Variants in ANK3 observed in about 807,000 individuals in gnomAD.
ANK3 encodes ankyrin-3.
ANK3 carries 57 observed loss-of-function variants against 370.9 expected under a neutral mutation model. The observed-to-expected ratio is 0.15, with a 90% CI of 0.12 to 0.19. The LOEUF (loss-of-function observed/expected upper bound fraction) is 0.19. Among genes scored for constraint, ANK3 ranks in the 10% least tolerant of loss-of-function variants. The pLI, the probability that ANK3 is intolerant of heterozygous loss-of-function variation, is 1.00. For synonymous variants in ANK3, 1,929 were observed against 1,946.3 expected, an observed-to-expected ratio of 0.99 and a Z score of 0.23; for missense variants, 4,439 against 5,302.1, an observed-to-expected ratio of 0.84 and a Z score of 5.06.
rs535969098 is a variant in ANK3 at position 60,677,841 on chromosome 10, A to G, written c.57+55422T>C. ...AAAAAGAAAGAAAAACCACCACCAC[A>G]CTACTAGCTTTTCCTTACATGATAC... On this transcript the variant is annotated intron_variant, in intron 1 of 43. Transcript: ENST00000373827. Among the ~76,000 whole-genome samples the G allele has an allele frequency of 3.3e-5, 5 of 151,974 alleles. No homozygotes were observed. In the South Asian group the frequency reaches 1.0e-3, roughly 32 times the overall value.
intron 1 of ANK3, among the ~76,000 whole-genome samples, chr10:60,653,519 T>A (rs935601423): frequency 2.6e-5 from 4 of 152,204 alleles, no homozygotes; most frequent in Admixed American, 6.5e-5. Flanking sequence ...TATCTCTCCT[T>A]TCTCCAATTC....
At position 60,056,428 on chromosome 10, in the gene ANK3, CA is replaced by C. The variant is rs1339320312; in HGVS notation, c.12687-393del. Among the ~76,000 whole-genome samples the C allele has an allele frequency of 5.3e-5, 8 of 152,098 alleles. No individual in the cohort carries two copies. The East Asian group carries it at 1.6e-3, about 30-fold the overall frequency. ...AGGTTGCAGTGAGCTGAGATTGTGC[CA>C]CTGTATTTCAGCCTGGGTGACAGAG... On this transcript the variant is annotated intron_variant, in intron 41 of 43. Coordinates refer to ENST00000280772, the MANE Select transcript of ANK3 (RefSeq NM_020987.5).
intron 41 of ANK3, among the ~76,000 whole-genome samples, chr10:60,058,309 C>T (rs1281336263): frequency 1.3e-5 from 2 of 152,194 alleles, no homozygotes; most frequent in African/African-American, 4.8e-5. Flanking sequence ...TCTAGACTTT[C>T]ACCTTTCTAG....
chr10:60,531,665 A>C (rs142025436), intron 2 of ANK3, among the ~76,000 whole-genome samples: 52 of 152,292 alleles, frequency 3.4e-4, no homozygotes, highest in African/African-American at 1.2e-3. Context: ...AAATAAGGAA[A>C]ATAACAATAA....
chr10:60,646,891 T>G (rs1219788022), intron 1 of ANK3, among the ~76,000 whole-genome samples: 1 of 152,188 alleles, frequency 6.6e-6, no homozygotes, highest in Non-Finnish European at 1.5e-5. Context: ...CCTGATAACC[T>G]TCACAGAAGT....
Position 60,666,670 on chromosome 10 carries a change from T to C in ANK3, c.58-51446A>G, listed in dbSNP as rs145652608. Among the ~76,000 whole-genome samples the C allele has an allele frequency of 2.8e-3, 420 of 152,314 alleles. 1 individual carries two copies. Among genetic ancestry groups the C allele is most frequent in the African/African-American group, 9.8e-3 (408 of 41,580 alleles). On this transcript the variant is annotated intron_variant, in intron 1 of 43. Coordinates refer to the ANK3 transcript ENST00000373827. Reference sequence around the variant, plus strand: ...AAAAAAGAGGTGTGCATATATTACCTATTCAAAAATTATATTGTAAAAAAT... The same window carrying C: ...AAAAAAGAGGTGTGCATATATTACCCATTCAAAAATTATATTGTAAAAAAT...
intron 2 of ANK3, among the ~76,000 whole-genome samples, chr10:60,503,397 G>C (rs950258502): frequency 2.0e-5 from 3 of 152,154 alleles, no homozygotes; most frequent in Admixed American, 6.6e-5. Context: ...ACTTTATATG[G>C]ATTGTCTCAC....
At chr10:60,230,427 A>G (rs764380702) in intron 8 of ANK3, among the ~76,000 whole-genome samples, 47 of 152,232 alleles carry the variant, frequency 3.1e-4, no homozygotes, top group Non-Finnish European at 6.3e-4. Flanking sequence ...ATTGACAAAT[A>G]TGCCTTGATA....
At chr10:60,474,693 G>T (rs1241075488) in intron 2 of ANK3, among the ~76,000 whole-genome samples, 1 of 152,132 alleles carries the variant, frequency 6.6e-6, no homozygotes, top group East Asian at 1.9e-4. Context: ...GTAGCATTTA[G>T]GGTGTTTTCC....
intron 1 of ANK3, among the ~76,000 whole-genome samples, chr10:60,365,948 G>T (rs529126107): frequency 5.9e-5 from 9 of 152,116 alleles, no homozygotes; most frequent in Non-Finnish European, 1.2e-4. Flanking sequence ...TATACATACA[G>T]CTGTTGAAAC....
At chr10:60,187,219 G>T (rs2096364573) in intron 16 of ANK3, among the ~76,000 whole-genome samples, 2 of 151,656 alleles carry the variant, frequency 1.3e-5, no homozygotes, top group African/African-American at 4.9e-5. Context: ...GCAGTGGCTG[G>T]ATCTCGGCTC....
At position 60,075,914 on chromosome 10, in the gene ANK3, G is replaced by A; in HGVS notation, c.4967C>T (p.Ser1656Leu). Residue 1656 changes from serine to leucine, a missense_variant, in exon 37 of 44, where the codon TCA becomes TTA. Ser to Leu is a moderately radical substitution (Grantham distance 145). Coordinates refer to ENST00000280772, the MANE Select transcript of ANK3 (RefSeq NM_020987.5). ...SPKSNINMYS[S>L]SLPFKSIITS... ...AATAATTGACTTAAATGGCAAACTT[G>A]AGGAATACATATTAATGTTTGATTT... is the stretch of plus-strand genomic sequence containing the variant. 6.2e-7 allele frequency: 1 copy of A among 1,614,100 alleles called. No individual in the cohort carries two copies.
At chr10:60,593,611 A>G (rs1263102558) in intron 2 of ANK3, among the ~76,000 whole-genome samples, 1 of 152,212 alleles carries the variant, frequency 6.6e-6, no homozygotes, top group Non-Finnish European at 1.5e-5. Flanking sequence ...TTCTAAAAGT[A>G]TGAACAATGT....
At chr10:60,472,663 A>C (rs888904912) in intron 2 of ANK3, among the ~76,000 whole-genome samples, 1 of 152,162 alleles carries the variant, frequency 6.6e-6, no homozygotes, top group Non-Finnish European at 1.5e-5. Flanking sequence ...GTATGTCTTA[A>C]GAAGCAACAT....
In ANK3 at chr10:60,343,886, A is replaced by G. The variant is rs553509551; in HGVS notation, c.114+45539T>C. On this transcript the variant is annotated intron_variant, in intron 1 of 43. Transcript: ENST00000280772. ...GCTGATGCGGGGCTGGAGAATCTAT[A>G]GTTCCAACAAGTCCCCAAGTGATGC... Among the ~76,000 whole-genome samples the G allele has an allele frequency of 3.3e-5, 5 of 152,332 alleles. No individual in the cohort carries two copies. The East Asian group carries it at 9.7e-4, about 29-fold the overall frequency.
In ANK3 at chr10:60,042,691, T is replaced by C. The variant is rs755706830; in HGVS notation, c.13134A>G (p.Ter4378=). ...IRHVEKKSHS[*] The stretch of plus-strand genomic sequence containing the variant: ...CCTCACCTTGACTGACCGTTCGCTG[T>C]TACGAGTGGCTCTTCTTTTCCACAT... Residue 4378 remains the stop codon, a stop_retained_variant, in exon 43 of 44, where the codon TAA becomes TAG. Coordinates refer to ENST00000280772, the MANE Select transcript of ANK3 (RefSeq NM_020987.5). The C allele has an allele frequency of 1.9e-6, 3 of 1,613,940 alleles. No individual in the cohort carries two copies. Among genetic ancestry groups the C allele is most frequent in the South Asian group, 2.2e-5 (2 of 91,078 alleles).
At chr10:60,262,494 GC>G (rs2097822423) in intron 6 of ANK3, among the ~76,000 whole-genome samples, 3 of 152,110 alleles carry the variant, frequency 2.0e-5, no homozygotes, top group African/African-American at 7.2e-5. Flanking sequence ...CTCTTTGTTA[GC>G]CAATGCCTAT....
At chr10:60,599,870 T>C (rs896103538) in intron 2 of ANK3, among the ~76,000 whole-genome samples, 2 of 152,206 alleles carry the variant, frequency 1.3e-5, no homozygotes, top group African/African-American at 4.8e-5. Context: ...ACCCTTTCTC[T>C]ACTTCTCTGT....
At chr10:60,237,386 C>T (rs908056003) in intron 7 of ANK3, among the ~76,000 whole-genome samples, 2 of 152,156 alleles carry the variant, frequency 1.3e-5, no homozygotes, top group Non-Finnish European at 2.9e-5. Context: ...GACCTCATCA[C>T]TTCCCAGTGT....
Sources: gnomAD v4.1 joint callset for allele counts (sites outside exome capture counted in the v4.1 genomes callset) on GRCh38, gnomAD v4.1.1 for gene constraint, MANE v1.5 for transcripts, NCBI Gene and HGNC (gene_info 2026-07-23, HGNC 2026-07-21) for gene names.